The following SCFD2 variants were observed in gnomAD, a reference collection of about 807,000 sequenced individuals.
SCFD2 encodes the protein sec1 family domain containing 2, also known as sec1 family domain-containing protein 2.
A neutral mutation model predicts 58.9 loss-of-function variants in SCFD2; 54 were observed. The observed-to-expected ratio is 0.92, with a 90% CI of 0.74 to 1.15. SCFD2 has a LOEUF of 1.15. Among genes scored for constraint, SCFD2 ranks in the 50% most tolerant of loss-of-function variants. The pLI is 0.00. For synonymous variants in SCFD2, 321 were observed against 335.9 expected (o/e 0.96, Z 0.49); for missense variants, 805 against 836.6 (o/e 0.96, Z 0.47).
chr4:53,240,156 C>T (rs976898750), intron 4 of SCFD2, among the ~76,000 whole-genome samples: 28 of 152,200 alleles, frequency 1.8e-4, no homozygotes, highest in African/African-American at 6.5e-4. Flanking sequence ...GTTTTGCCAA[C>T]ACAGCAGAAC....
At chr4:53,091,226 A>G (rs571492441) in intron 5 of SCFD2, among the ~76,000 whole-genome samples, 17 of 152,138 alleles carry the variant, frequency 1.1e-4, no homozygotes, top group Non-Finnish European at 2.5e-4. Context: ...AAGAGGAGAC[A>G]GTGAGGAGAT....
chr4:53,162,423 G>T (rs1166922306), intron 4 of SCFD2, among the ~76,000 whole-genome samples: 2 of 152,124 alleles, frequency 1.3e-5, no homozygotes, highest in Non-Finnish European at 2.9e-5. Flanking sequence ...GAAGAAAATG[G>T]CCAGTAAAAA....
intron 4 of SCFD2, among the ~76,000 whole-genome samples, chr4:53,206,490 C>T (rs1728410129): frequency 1.3e-5 from 2 of 151,924 alleles, no homozygotes; most frequent in Non-Finnish European, 1.5e-5. Context: ...GACTGTTTAC[C>T]AAAGCATAGA....
At chr4:53,285,786 G>A (rs1249325293) in intron 3 of SCFD2, among the ~76,000 whole-genome samples, 1 of 152,016 alleles carries the variant, frequency 6.6e-6, no homozygotes, top group Non-Finnish European at 1.5e-5. Context: ...GAGGCCTCCA[G>A]CAGCCCCCAC....
At chr4:53,142,751 G>T (rs1726207763) in intron 5 of SCFD2, among the ~76,000 whole-genome samples, 1 of 152,116 alleles carries the variant, frequency 6.6e-6, no homozygotes, top group East Asian at 1.9e-4. Flanking sequence ...GTACATTTTT[G>T]ATTTCTCAAC....
Position 53,256,449 on chromosome 4 carries a change from A to G in SCFD2, c.1311+17377T>C, listed in dbSNP as rs527573186. Among the ~76,000 whole-genome samples, 235 of 150,660 alleles carry G rather than the reference A, an allele frequency of 1.6e-3. 2 individuals carry two copies. Among genetic ancestry groups the G allele is most frequent in the Non-Finnish European group, 3.0e-3 (205 of 67,572 alleles). On this transcript the variant is annotated intron_variant, in intron 4 of 8. Transcript: ENST00000401642. The stretch of plus-strand genomic sequence containing the variant: ...CATCCCAGACGATGGGCGACCAGGC[A>G]GAGACGCTCCTCACTTCCCAGACGG...
At chr4:53,129,300 C>T (rs1725720827) in intron 5 of SCFD2, among the ~76,000 whole-genome samples, 2 of 152,272 alleles carry the variant, frequency 1.3e-5, no homozygotes, top group South Asian at 4.1e-4. Flanking sequence ...TTTGTAAACA[C>T]TTCAATGAAA....
chr4:53,021,530 G>A (rs557934280), intron 5 of SCFD2, among the ~76,000 whole-genome samples: 2 of 152,200 alleles, frequency 1.3e-5, no homozygotes, highest in African/African-American at 2.4e-5. Context: ...CTCCTTTGAA[G>A]AGTTTACTGT....
Position 52,913,250 on chromosome 4 carries a change from C to T in SCFD2, c.1708-5659G>A, listed in dbSNP as rs539948151. 4.6e-5 allele frequency among the ~76,000 whole-genome samples: 7 copies of T among 152,254 alleles called. No individual in the cohort carries two copies. The South Asian group carries it at 6.2e-4, about 14-fold the overall frequency. On this transcript the variant is annotated intron_variant, in intron 6 of 8. Coordinates refer to ENST00000401642, the MANE Select transcript of SCFD2 (RefSeq NM_152540.4). ...TACTGGTTCGTGGCCTGTTAGGAAC[C>T]GGGCCACACAGCAGGAGGTGAGCAG...
intron 2 of SCFD2, among the ~76,000 whole-genome samples, chr4:53,352,350 C>T (rs181898997): frequency 6.6e-6 from 1 of 152,160 alleles, no homozygotes. Flanking sequence ...CTTAACCAAT[C>T]CTGGGAACAA....
intron 4 of SCFD2, among the ~76,000 whole-genome samples, chr4:53,147,424 T>C (rs978024928): frequency 1.3e-5 from 2 of 152,166 alleles, no homozygotes; most frequent in South Asian, 2.1e-4. Context: ...TTATATTTTA[T>C]ACACAAAAAA....
At chr4:53,179,024 T>C (rs563043455) in intron 4 of SCFD2, among the ~76,000 whole-genome samples, 2 of 152,196 alleles carry the variant, frequency 1.3e-5, no homozygotes, top group Non-Finnish European at 2.9e-5. Context: ...CTACATCTGA[T>C]TGGTGTACCT....
At chr4:53,060,367 G>A (rs1261655563) in intron 5 of SCFD2, among the ~76,000 whole-genome samples, 1 of 152,074 alleles carries the variant, frequency 6.6e-6, no homozygotes, top group African/African-American at 2.4e-5. Context: ...ATGTGGATAT[G>A]TGGCATCATC....
intron 2 of SCFD2, among the ~76,000 whole-genome samples, chr4:53,343,497 G>A (rs1283813933): frequency 6.6e-6 from 1 of 152,148 alleles, no homozygotes; most frequent in Non-Finnish European, 1.5e-5. Context: ...GGACCAGACA[G>A]AATCACATCC....
At chr4:52,955,477 T>C (rs115612891) in intron 5 of SCFD2, among the ~76,000 whole-genome samples, 1 of 152,334 alleles carries the variant, frequency 6.6e-6, no homozygotes, top group African/African-American at 2.4e-5. Context: ...ACATTTAACT[T>C]CTCACAATGG....
chr4:53,177,098 C>T (rs1727361972), intron 4 of SCFD2, among the ~76,000 whole-genome samples: 1 of 152,160 alleles, frequency 6.6e-6, no homozygotes, highest in Non-Finnish European at 1.5e-5. Flanking sequence ...TTTCTTCACC[C>T]ATTCATTTTT....
intron 2 of SCFD2, among the ~76,000 whole-genome samples, chr4:53,330,080 A>G (rs1733379440): frequency 6.6e-6 from 1 of 152,054 alleles, no homozygotes. Context: ...AGCCTCCAAG[A>G]AATATGGGAC....
chr4:53,316,735 T>C (rs2149114667), intron 2 of SCFD2, among the ~76,000 whole-genome samples: 1 of 152,318 alleles, frequency 6.6e-6, no homozygotes, highest in East Asian at 1.9e-4. Context: ...TAAAATATTT[T>C]AGAAGAAATA....
intron 5 of SCFD2, among the ~76,000 whole-genome samples, chr4:53,103,327 T>C (rs1374325233): frequency 1.3e-5 from 2 of 151,848 alleles, no homozygotes; most frequent in Admixed American, 6.6e-5. Flanking sequence ...AACAAATAAA[T>C]GGATGGAGAA....
Sources: allele counts gnomAD v4.1 joint callset (sites outside exome capture counted in the v4.1 genomes callset), GRCh38; gene constraint gnomAD v4.1.1; transcripts MANE v1.5; gene names NCBI Gene and HGNC (gene_info 2026-07-23, HGNC 2026-07-21).